FIP1L1: variants seen among roughly 807,000 people sequenced by gnomAD.
FIP1L1 encodes factor interacting with PAPOLA and CPSF1.
FIP1L1 carries 21 observed loss-of-function variants against 84.6 expected under a neutral mutation model. The observed-to-expected ratio is 0.25, with a 90% CI of 0.18 to 0.36. FIP1L1 has a LOEUF of 0.36. Among genes scored for constraint, FIP1L1 ranks in the 10% least tolerant of loss-of-function variants. The pLI, the probability that FIP1L1 is intolerant of heterozygous loss-of-function variation, is 1.00. For missense variants in FIP1L1, 526 were observed against 751.1 expected (o/e 0.70, Z 3.50); for synonymous variants, 263 against 242.3 (o/e 1.09, Z -0.80).
chr4:53,438,223 C>G (rs557473389), intron 13 of FIP1L1, among the ~76,000 whole-genome samples: 1 of 152,036 alleles, frequency 6.6e-6, no homozygotes, highest in Non-Finnish European at 1.5e-5. Context: ...TTATTTAAGT[C>G]TGTTGTCTAG....
intron 10 of FIP1L1, among the ~76,000 whole-genome samples, chr4:53,412,845 A>G (rs918688426): frequency 2.6e-5 from 4 of 152,004 alleles, no homozygotes; most frequent in Admixed American, 1.3e-4. Context: ...TGCCAGTGAT[A>G]ATTTTTTCTT....
chr4:53,382,220 CTA>C (rs1738475190), intron 3 of FIP1L1, 56 bp from the exon 4 acceptor site: 1 of 1,184,134 alleles, frequency 8.4e-7, no homozygotes, highest in Non-Finnish European at 1.3e-6. Flanking sequence ...CTAATATAAT[CTA>C]TCTGTACTTC....
At chr4:53,378,100 C>G in intron 1 of FIP1L1, 177 bp downstream of exon 1, 1 of 514,026 alleles carries the variant, frequency 1.9e-6, no homozygotes, top group Non-Finnish European at 3.3e-6. Context: ...GCGGCGGTCT[C>G]CCGCCTGGCC....
At chr4:53,390,836 G>A (rs565635564) in intron 7 of FIP1L1, among the ~76,000 whole-genome samples, 173 bp from the exon 8 acceptor site, 14 of 152,136 alleles carry the variant, frequency 9.2e-5, no homozygotes, top group South Asian at 2.1e-4. Flanking sequence ...TTATAATGGC[G>A]TTTGTAAAGG....
chr4:53,436,063 G>T (rs1769040522), intron 13 of FIP1L1, among the ~76,000 whole-genome samples: 1 of 111,044 alleles, frequency 9.0e-6, no homozygotes, highest in Non-Finnish European at 2.2e-5. Flanking sequence ...ATTTACTAGT[G>T]AGAAATAGGA....
chr4:53,387,596 C>G (rs767069676), intron 5 of FIP1L1, among the ~76,000 whole-genome samples: 1 of 152,218 alleles, frequency 6.6e-6, no homozygotes, highest in Non-Finnish European at 1.5e-5. Context: ...ACAGGCTTCT[C>G]TACAAAGGCT....
At chr4:53,409,090 G>C (rs1355393477) in intron 10 of FIP1L1, among the ~76,000 whole-genome samples, 1 of 152,140 alleles carries the variant, frequency 6.6e-6, no homozygotes, top group Admixed American at 6.6e-5. Context: ...AGAGTTTCGA[G>C]TTTTTCTGCT....
chr4:53,405,411 G>T (rs1206275321), intron 10 of FIP1L1, among the ~76,000 whole-genome samples: 1 of 152,254 alleles, frequency 6.6e-6, no homozygotes, highest in South Asian at 2.1e-4. Flanking sequence ...GGTTACTGTA[G>T]CCTTGTAGTA....
At chr4:53,442,512 AT>A (rs932169126) in intron 13 of FIP1L1, 140 bp from the exon 14 acceptor site, 18 of 606,134 alleles carry the variant, frequency 3.0e-5, no homozygotes, top group African/African-American at 1.9e-4. Context: ...TTTGAGCTCC[AT>A]TTTTTTCTGT....
At chr4:53,432,430 A>G (rs1318266029) in intron 13 of FIP1L1, among the ~76,000 whole-genome samples, 3 of 150,956 alleles carry the variant, frequency 2.0e-5, no homozygotes, top group African/African-American at 4.9e-5. Context: ...AAAAAGAAAG[A>G]AAACAAATAC....
chr4:53,452,012 T>G (rs1444431456), intron 15 of FIP1L1, among the ~76,000 whole-genome samples: 1 of 151,808 alleles, frequency 6.6e-6, no homozygotes, highest in Non-Finnish European at 1.5e-5. Flanking sequence ...GCCTCCCGAG[T>G]AGCTGCGATT....
rs779415320 is a variant in FIP1L1, at chr4:53,453,058, G to A, written c.1424G>A (p.Arg475Gln). 6 of 1,612,778 alleles carry A rather than the reference G, an allele frequency of 3.7e-6. No individual in the cohort carries two copies. The highest frequency in any genetic ancestry group is 4.2e-6 in the Non-Finnish European group (5 of 1,178,942). ...AGAGACAGAGAGCGAGACCGTGATC[G>A]GGACAGAGAAAGAGAACGCACCAGA... Reference protein sequence around the residue: ...RDRDRERDRDRDRERERTRER... With the variant: ...RDRDRERDRDQDRERERTRER... Residue 475 changes from arginine to glutamine, a missense_variant, in exon 16 of 18, where the codon CGG (arginine) becomes CAG (glutamine). Physicochemically the swap from Arg to Gln is conservative, Grantham distance 43. Transcript: ENST00000337488.
chr4:53,399,899 G>A (rs1749356314), intron 10 of FIP1L1, 60 bp downstream of exon 10: 3 of 1,138,100 alleles, frequency 2.6e-6, no homozygotes, highest in Non-Finnish European at 3.9e-6. Context: ...CATTGTATTT[G>A]TGCTATATTA....
chr4:53,379,156 C>G lies in FIP1L1; in HGVS notation c.130+39C>G, dbSNP rs1188257575. The stretch of plus-strand genomic sequence containing the variant: ...ATGATCACTTCAGATTTTCATAATA[C>G]TAGTTTCTTTAAGAGTGGTTTCTTT... On this transcript the variant is annotated intron_variant, in intron 2 of 17. Transcript: ENST00000337488. 5.0e-6 allele frequency: 8 copies of G among 1,610,034 alleles called. No individual in the cohort carries two copies. The East Asian group carries it at 8.9e-5, about 18-fold the overall frequency.
At chr4:53,378,117 C>T in intron 1 of FIP1L1, 194 bp downstream of exon 1, 2 of 477,078 alleles carry the variant, frequency 4.2e-6, no homozygotes, top group East Asian at 3.5e-5. Context: ...GGCCCACGCC[C>T]ACCATGCGCA....
At chr4:53,384,073 G>A (rs1350429566) in intron 5 of FIP1L1, among the ~76,000 whole-genome samples, 197 bp downstream of exon 5, 2 of 152,136 alleles carry the variant, frequency 1.3e-5, no homozygotes, top group African/African-American at 4.8e-5. Context: ...GTACATAGAA[G>A]CAGCAGTTTT....
chr4:53,409,162 G>A (rs1215381279), intron 10 of FIP1L1, among the ~76,000 whole-genome samples: 1 of 152,176 alleles, frequency 6.6e-6, no homozygotes, highest in African/African-American at 2.4e-5. Context: ...GTGATGTACA[G>A]ATGGGTTTTT....
chr4:53,392,134 A>G (rs2149393171), intron 9 of FIP1L1, among the ~76,000 whole-genome samples: 1 of 152,344 alleles, frequency 6.6e-6, no homozygotes, highest in Middle Eastern at 3.4e-3. Flanking sequence ...ATGATCACAG[A>G]CCCAGTCCAA....
intron 15 of FIP1L1, among the ~76,000 whole-genome samples, chr4:53,448,037 G>A (rs1352162154): frequency 2.6e-5 from 4 of 151,964 alleles, no homozygotes. Context: ...GTTGTGTAAA[G>A]TCTTACACAT....
Sources: gnomAD v4.1 joint callset for allele counts (sites outside exome capture counted in the v4.1 genomes callset) on GRCh38, gnomAD v4.1.1 for gene constraint, MANE v1.5 for transcripts, NCBI Gene and HGNC (gene_info 2026-07-23, HGNC 2026-07-21) for gene names.